PEG3: variants seen among roughly 807,000 people sequenced by gnomAD.
PEG3 encodes the protein paternally-expressed gene 3 protein.
A neutral mutation model predicts 35.5 loss-of-function variants in PEG3; 23 were observed. The observed-to-expected ratio is 0.65, with a 90% CI of 0.47 to 0.92. PEG3 has a LOEUF of 0.92. PEG3 is among the 40% of genes least tolerant of loss of function. The pLI, the probability that PEG3 is intolerant of heterozygous loss-of-function variation, is 0.00. For synonymous variants in PEG3, 707 were observed against 697.0 expected (o/e 1.01, Z -0.23); for missense variants, 1,960 against 1,985.3 (o/e 0.99, Z 0.24).
At chr19:56,828,934 A>G (rs2146471179) in intron 2 of PEG3, among the ~76,000 whole-genome samples, 1 of 152,308 alleles carries the variant, frequency 6.6e-6, no homozygotes, top group Non-Finnish European at 1.5e-5. Context: ...ACATTTCTGG[A>G]TCCCATTTTG....
rs1014359503 is a variant in PEG3 at position 56,815,544 on chromosome 19, C to G, written c.2898G>C (p.Gly966=). The G allele has an allele frequency of 1.9e-6, 3 of 1,613,906 alleles. No homozygotes were observed. Among genetic ancestry groups the G allele is most frequent in the Non-Finnish European group, 2.5e-6 (3 of 1,179,932 alleles). Residue 966 remains glycine, a synonymous_variant, in exon 10 of 10, where the codon GGG becomes GGC. Transcript: ENST00000326441. ...CACACTCCTGACATTCATAGAGCAT[C>G]CCTCGAGGGCGAAATGTTTGTTCAC... ...PFGEQTFRPR[G]MLYECQECGE...
intron 7 of PEG3, among the ~76,000 whole-genome samples, chr19:56,819,293 C>T (rs1471701368): frequency 6.6e-6 from 1 of 152,230 alleles, no homozygotes; most frequent in Non-Finnish European, 1.5e-5. Flanking sequence ...AGGGAGTCTC[C>T]AGTTTGCACA....
chr19:56,824,308 C>G lies in PEG3; in HGVS notation c.348G>C (p.Lys116Asn). The G allele has an allele frequency of 1.9e-6, 3 of 1,614,130 alleles. No homozygotes were observed. The highest frequency in any genetic ancestry group is 1.7e-4 in the Middle Eastern group (1 of 6,052). Residue 116 changes from lysine (K) to asparagine (N), a missense_variant, in exon 4 of 10, where the codon AAG becomes AAC. By Grantham distance (94) the Lys-to-Asn change is moderately conservative. Coordinates refer to ENST00000326441, the MANE Select transcript of PEG3 (RefSeq NM_006210.3). ...VRAKKPENCE[K>N]LVTLLENYKE... ...TGTAATTCTCCAGCAGAGTGACGAG[C>G]TTCTCACAGTTCTCCGGCTTTTTTG... is the stretch of plus-strand genomic sequence containing the variant.
At chr19:56,825,386 C>A (rs1370739150) in intron 3 of PEG3, among the ~76,000 whole-genome samples, 1 of 152,218 alleles carries the variant, frequency 6.6e-6, no homozygotes, top group Non-Finnish European at 1.5e-5. Context: ...CGTTCTTTTG[C>A]CTTCATCAAT....
In PEG3 at chr19:56,815,775, G is replaced by A; in HGVS notation, c.2667C>T (p.Arg889=). ...TCTGTATGACAGAGTCTTCATAGTTGCGATTCTTACTGCCCCCTTCACAAG... is the reference window on the plus strand; with the variant it reads ...TCTGTATGACAGAGTCTTCATAGTTACGATTCTTACTGCCCCCTTCACAAG... ...ENPCEGGSKN[R]NYEDSVIQSV... The change falls in exon 10 of 10, where the codon CGC becomes CGT. Residue 889 remains arginine, a synonymous_variant. Coordinates refer to ENST00000326441, the MANE Select transcript of PEG3 (RefSeq NM_006210.3). The A allele has an allele frequency of 6.2e-7, 1 of 1,613,766 alleles. No homozygotes were observed. The highest frequency in any genetic ancestry group is 8.5e-7 in the Non-Finnish European group (1 of 1,179,744).
intron 8 of PEG3, among the ~76,000 whole-genome samples, chr19:56,818,368 C>T (rs1252359890): frequency 6.6e-6 from 1 of 152,208 alleles, no homozygotes; most frequent in Non-Finnish European, 1.5e-5. Flanking sequence ...CAAGAAGCAT[C>T]TCCCTGCTTG....
In PEG3 at chr19:56,814,944, T is replaced by C. The variant is rs1040984174; in HGVS notation, c.3498A>G (p.Pro1166=). ...TATGAATAAAAGATTCCCCACACTT[T>C]GGACATTCATACAGCTGCTCTCCAG... The part of the protein sequence containing the change: ...DYTGEQLYEC[P]KCGESFIHSS... The change falls in exon 10 of 10, where the codon CCA becomes CCG. Residue 1166 remains proline, a synonymous_variant. Coordinates refer to ENST00000326441, the MANE Select transcript of PEG3 (RefSeq NM_006210.3). The surrounding 1 kb of genome is among the most constrained non-coding windows in gnomAD (Gnocchi z 5.8). 3 of 1,614,118 alleles carry C rather than the reference T, an allele frequency of 1.9e-6. No homozygotes were observed. Among genetic ancestry groups the C allele is most frequent in the Non-Finnish European group, 2.5e-6 (3 of 1,179,990 alleles).
At chr19:56,829,196 C>T (rs371046240) in intron 2 of PEG3, among the ~76,000 whole-genome samples, 2 of 151,926 alleles carry the variant, frequency 1.3e-5, no homozygotes, top group African/African-American at 2.4e-5. Flanking sequence ...ACTAAAAATA[C>T]AAAAATTAGC....
At chr19:56,824,146 C>A in intron 4 of PEG3, 116 bp downstream of exon 4, 2 of 1,486,384 alleles carry the variant, frequency 1.3e-6, no homozygotes, top group Non-Finnish European at 1.8e-6. Flanking sequence ...ACATCCCCAC[C>A]GCTGCCCAGG....
chr19:56,813,425 T>G lies in PEG3; in HGVS notation c.*250A>C. The G allele has an allele frequency of 7.7e-7, 1 of 1,300,258 alleles. No homozygotes were observed. The highest frequency in any genetic ancestry group is 2.4e-5 in the South Asian group (1 of 42,162). The allele number at this position is 1,300,258 out of a possible 1,614,324, so 80.5% of individuals were successfully genotyped here. ...ACTCATAGGGTTTTCTCAATCTGAT[T>G]ACTTGGAAAGGTAAGATGTGTGCTA... On this transcript the variant is annotated 3_prime_UTR_variant, in exon 10 of 10. Coordinates refer to ENST00000326441, the MANE Select transcript of PEG3 (RefSeq NM_006210.3).
chr19:56,825,097 A>T (rs1396143498), intron 3 of PEG3: 1 of 161,496 alleles, frequency 6.2e-6, no homozygotes, highest in Non-Finnish European at 1.4e-5. Context: ...AAAAAGACTT[A>T]ACTGCCCAAT....
At chr19:56,823,734 T>G in intron 4 of PEG3, 55 bp from the exon 5 acceptor site, 3 of 1,592,032 alleles carry the variant, frequency 1.9e-6, no homozygotes, top group Non-Finnish European at 1.7e-6. Flanking sequence ...CTCACAATAG[T>G]TCCCCCCAAT....
In PEG3 at chr19:56,826,379, T is replaced by C. The variant is rs143776313; in HGVS notation, c.-87+9A>G. On this transcript the variant is annotated intron_variant, in intron 3 of 9. Coordinates refer to ENST00000326441, the MANE Select transcript of PEG3 (RefSeq NM_006210.3). ...TCAGGCAACAAGATACCCTCAGATA[T>C]GTAATCACCTGTCTGGGAACAGGAT... is the stretch of plus-strand genomic sequence containing the variant. 6.6e-6 allele frequency: 1 copy of C among 152,332 alleles called. No homozygotes were observed. Among genetic ancestry groups the C allele is most frequent in the Non-Finnish European group, 1.5e-5 (1 of 68,046 alleles). The allele number at this position is 152,332 out of a possible 1,614,324, so 9.4% of individuals were successfully genotyped here.
Position 56,813,240 on chromosome 19 carries a change from C to T in PEG3, c.*435G>A. 1 of 979,324 alleles carries T rather than the reference C, an allele frequency of 1.0e-6. No individual in the cohort carries two copies. The highest frequency in any genetic ancestry group is 1.2e-6 in the Non-Finnish European group (1 of 824,276). The allele number at this position is 979,324 out of a possible 1,614,324, so 60.7% of individuals were successfully genotyped here. On this transcript the variant is annotated 3_prime_UTR_variant, in exon 10 of 10. Transcript: ENST00000326441. Reference sequence around the variant, plus strand: ...ATTCAAAGAATACCAGGTAAGGTACCTCTGCAGAGTAAACTGTAACTGTAT... The same window carrying T: ...ATTCAAAGAATACCAGGTAAGGTACTTCTGCAGAGTAAACTGTAACTGTAT...
chr19:56,830,912 A>G (rs547584625), intron 2 of PEG3, among the ~76,000 whole-genome samples: 2 of 152,238 alleles, frequency 1.3e-5, no homozygotes, highest in South Asian at 4.1e-4. Context: ...GGGTGACAGA[A>G]CTAGACTGAA....
At chr19:56,839,835 C>G (rs545002075) in intron 1 of PEG3, among the ~76,000 whole-genome samples, 2 of 151,628 alleles carry the variant, frequency 1.3e-5, no homozygotes, top group African/African-American at 4.8e-5. Context: ...GGGGCTTGAG[C>G]AGACGATTAC....
Position 56,816,403 on chromosome 19 carries a change from T to C in PEG3, c.2039A>G (p.Asn680Ser), listed in dbSNP as rs2059981882. ...QSLKRRQKTY[N>S]KEKLCDFTDG... ...TGTAAAGTCACAGAGCTTCTCCTTA[T>C]TGTAAGTTTTCTGACGCCTTTTAAG... The change falls in exon 10 of 10, where the codon AAT becomes AGT. Residue 680 changes from asparagine (N) to serine (S), a missense_variant. Physicochemically the swap from Asn to Ser is conservative, Grantham distance 46. Transcript: ENST00000326441. 4 of 1,613,776 alleles carry C rather than the reference T, an allele frequency of 2.5e-6. No individual in the cohort carries two copies. The highest frequency in any genetic ancestry group is 2.7e-5 in the African/African-American group (2 of 74,900).
At chr19:56,838,063 A>G (rs2062394437) in intron 1 of PEG3, among the ~76,000 whole-genome samples, 1 of 152,178 alleles carries the variant, frequency 6.6e-6, no homozygotes. Context: ...TGGCACCTGC[A>G]CAGTACACCG....
intron 3 of PEG3, among the ~76,000 whole-genome samples, chr19:56,825,741 G>A (rs2146394760): frequency 6.6e-6 from 1 of 151,986 alleles, no homozygotes; most frequent in East Asian, 1.9e-4. Context: ...TTTACTTCCA[G>A]AGAAGAAAAA....
Sources: allele counts gnomAD v4.1 joint callset (sites outside exome capture counted in the v4.1 genomes callset), GRCh38; gene constraint gnomAD v4.1.1; non-coding constraint Gnocchi (gnomAD v3.1); transcripts MANE v1.5; gene names NCBI Gene and HGNC (gene_info 2026-07-23, HGNC 2026-07-21).